PTPRM: variants seen among roughly 807,000 people sequenced by gnomAD.
PTPRM encodes protein tyrosine phosphatase receptor type M.
Under a neutral mutation model 186.7 loss-of-function variants are expected in PTPRM, and 47 were observed. The ratio of observed to expected loss-of-function variants is 0.25; its 90% CI spans 0.20 to 0.32. The LOEUF is 0.32. Among genes scored for constraint, PTPRM ranks in the 10% least tolerant of loss-of-function variants. The pLI, the probability that PTPRM is intolerant of heterozygous loss-of-function variation, is 1.00. For missense variants in PTPRM, 1,494 were observed against 1,865.0 expected, an observed-to-expected ratio of 0.80 and a Z score of 3.66; for synonymous variants, 668 against 674.9, an observed-to-expected ratio of 0.99 and a Z score of 0.16.
intron 11 of PTPRM, among the ~76,000 whole-genome samples, chr18:8,105,217 A>G (rs1213753351): frequency 2.3e-4 from 35 of 152,222 alleles, no homozygotes; most frequent in Admixed American, 2.2e-3. Flanking sequence ...CTGAATCGCT[A>G]CAGTGAGTGT....
intron 5 of PTPRM, among the ~76,000 whole-genome samples, chr18:7,939,424 G>T (rs1430104808): frequency 6.6e-6 from 1 of 152,128 alleles, no homozygotes; most frequent in Non-Finnish European, 1.5e-5. Flanking sequence ...GACTTAATAT[G>T]TATCTTTTGC....
chr18:8,313,138 G>A (rs1164459285), intron 20 of PTPRM, among the ~76,000 whole-genome samples: 1 of 152,176 alleles, frequency 6.6e-6, no homozygotes, highest in Non-Finnish European at 1.5e-5. Context: ...CTCAAAAGCT[G>A]TGGGCTTCAT....
chr18:8,039,829 G>A (rs758737213), intron 7 of PTPRM, among the ~76,000 whole-genome samples: 28 of 152,094 alleles, frequency 1.8e-4, no homozygotes, highest in Non-Finnish European at 7.3e-5. Context: ...ATTTTTAGAG[G>A]TGACAGGCCA....
chr18:8,202,318 C>A (rs1052836861), intron 14 of PTPRM, among the ~76,000 whole-genome samples: 1 of 152,198 alleles, frequency 6.6e-6, no homozygotes, highest in South Asian at 2.1e-4. Context: ...ATTATACAAA[C>A]CTATTTTACA....
chr18:7,902,268 G>A (rs2049733492), intron 3 of PTPRM, among the ~76,000 whole-genome samples: 1 of 152,168 alleles, frequency 6.6e-6, no homozygotes, highest in African/African-American at 2.4e-5. Context: ...AAGACTGAGG[G>A]GAGCAAATAA....
intron 1 of PTPRM, among the ~76,000 whole-genome samples, chr18:7,663,086 T>G (rs2039014975): frequency 6.6e-6 from 1 of 152,178 alleles, no homozygotes; most frequent in African/African-American, 2.4e-5. Flanking sequence ...ACGTGGACTC[T>G]GAGGGCTAAG....
intron 3 of PTPRM, among the ~76,000 whole-genome samples, chr18:7,898,670 C>T (rs891456108): frequency 5.9e-5 from 9 of 152,198 alleles, no homozygotes; most frequent in Admixed American, 1.3e-4. Context: ...AACATCTTGT[C>T]TCCTGAAATG....
chr18:7,672,115 A>G (rs948855101), intron 1 of PTPRM, among the ~76,000 whole-genome samples: 2 of 152,210 alleles, frequency 1.3e-5, no homozygotes, highest in African/African-American at 4.8e-5. Context: ...CTTTACAAAC[A>G]TTGGAATCCA....
At chr18:7,982,457 G>C (rs1389399107) in intron 7 of PTPRM, among the ~76,000 whole-genome samples, 4 of 151,360 alleles carry the variant, frequency 2.6e-5, no homozygotes, top group East Asian at 1.9e-4. Context: ...TCATCTCCCA[G>C]AATAACAAGG....
At chr18:7,709,652 T>A (rs1325140639) in intron 1 of PTPRM, among the ~76,000 whole-genome samples, 2 of 151,944 alleles carry the variant, frequency 1.3e-5, no homozygotes, top group Non-Finnish European at 2.9e-5. Flanking sequence ...AATTGATATA[T>A]CATTAGCGAG....
chr18:7,946,299 G>A (rs555515265), intron 5 of PTPRM, among the ~76,000 whole-genome samples: 55 of 152,266 alleles, frequency 3.6e-4, no homozygotes, highest in Middle Eastern at 3.4e-3. Context: ...AATATTAGGA[G>A]ATTATTACAA....
intron 2 of PTPRM, among the ~76,000 whole-genome samples, chr18:7,823,241 C>A (rs150955837): frequency 6.6e-6 from 1 of 152,196 alleles, no homozygotes; most frequent in African/African-American, 2.4e-5. Flanking sequence ...CAAGCTGACA[C>A]TGTGGTGTTT....
At chr18:8,330,293 A>G (rs372685670) in intron 22 of PTPRM, among the ~76,000 whole-genome samples, 1 of 152,166 alleles carries the variant, frequency 6.6e-6, no homozygotes, top group East Asian at 1.9e-4. Context: ...AGCTATAACC[A>G]GTGACTTTTT....
intron 7 of PTPRM, among the ~76,000 whole-genome samples, chr18:7,981,520 A>T (rs909923933): frequency 6.6e-6 from 1 of 152,110 alleles, no homozygotes; most frequent in South Asian, 2.1e-4. Context: ...CCCAACCCCT[A>T]TACTTTTCCC....
intron 7 of PTPRM, among the ~76,000 whole-genome samples, chr18:8,060,342 CTCT>C (rs1219192455): frequency 1.1e-5 from 1 of 88,176 alleles, no homozygotes; most frequent in Non-Finnish European, 2.4e-5. Context: ...TGATTCTCCT[CTCT>C]TTTTTTCTTT....
chr18:8,085,327 G>GT lies in PTPRM; in HGVS notation c.1552-341dup, dbSNP rs1163405822. Among the ~76,000 whole-genome samples, 3 of 151,922 alleles carry GT rather than the reference G, an allele frequency of 2.0e-5. No individual in the cohort carries two copies. In the East Asian group the frequency reaches 5.8e-4, roughly 29 times the overall value. On this transcript the variant is annotated intron_variant, in intron 9 of 32. Transcript: ENST00000580170. ...CCTTATCCTTGTCAGTATCTTATCT[G>GT]TTTGAGCTAGTTGTATATTTTCTTA... is the stretch of plus-strand genomic sequence containing the variant.
chr18:7,918,815 G>T (rs533213786), intron 4 of PTPRM, among the ~76,000 whole-genome samples: 1 of 152,078 alleles, frequency 6.6e-6, no homozygotes, highest in South Asian at 2.1e-4. Context: ...AGTCCCATTT[G>T]TCTGTTTTTG....
chr18:7,782,283 G>A (rs1209405857), intron 2 of PTPRM, among the ~76,000 whole-genome samples: 1 of 152,042 alleles, frequency 6.6e-6, no homozygotes, highest in Non-Finnish European at 1.5e-5. Flanking sequence ...TTCTTCCCAT[G>A]AGGGAGATGC....
At chr18:8,194,236 C>T (rs548962759) in intron 14 of PTPRM, among the ~76,000 whole-genome samples, 85 of 152,326 alleles carry the variant, frequency 5.6e-4, no homozygotes, top group Middle Eastern at 3.4e-3. Flanking sequence ...CCCTTCATCT[C>T]CCTTGGTAGC....
Sources: gnomAD v4.1 joint callset for allele counts (sites outside exome capture counted in the v4.1 genomes callset) on GRCh38, gnomAD v4.1.1 for gene constraint, MANE v1.5 for transcripts, NCBI Gene and HGNC (gene_info 2026-07-23, HGNC 2026-07-21) for gene names.